The following GCSH variants were observed in gnomAD, a reference collection of about 807,000 sequenced individuals.
GCSH encodes the protein glycine cleavage system protein H, also known as glycine cleavage system H protein, mitochondrial.
Under a neutral mutation model 21.3 loss-of-function variants are expected in GCSH, and 15 were observed. The ratio of observed to expected loss-of-function variants is 0.70; its 90% CI spans 0.47 to 1.08. GCSH has a LOEUF of 1.08. GCSH is among the 50% of genes least tolerant of loss of function. The pLI is 0.00. For synonymous variants in GCSH, 59 were observed against 84.5 expected (o/e 0.70, Z 1.66); for missense variants, 179 against 217.5 (o/e 0.82, Z 1.11).
intron 2 of GCSH, among the ~76,000 whole-genome samples, chr16:81,088,292 C>T (rs1396777149): frequency 2.0e-5 from 3 of 151,290 alleles, no homozygotes; most frequent in Non-Finnish European, 2.9e-5. Context: ...TTTTAAAAAA[C>T]TATTCTCAAC....
At chr16:81,093,566 A>T (rs193087043) in intron 1 of GCSH, among the ~76,000 whole-genome samples, 152 of 152,082 alleles carry the variant, frequency 1.0e-3, no homozygotes, top group African/African-American at 3.6e-3. Flanking sequence ...CCTGGCCAAC[A>T]GCAGTGGCTC....
chr16:81,095,377 A>ATTTTTTTTTTT (rs78295348), intron 1 of GCSH, among the ~76,000 whole-genome samples: 31 of 146,416 alleles, frequency 2.1e-4, no homozygotes, highest in East Asian at 1.0e-3. Context: ...TGGCGCTTTA[A>ATTTTTTTTTTT]TTTTTTTTTT....
chr16:81,087,083 T>A (rs1972295817), intron 3 of GCSH, among the ~76,000 whole-genome samples: 1 of 152,124 alleles, frequency 6.6e-6, no homozygotes, highest in Non-Finnish European at 1.5e-5. Flanking sequence ...CTCTTTTTTT[T>A]AAAACGGAGT....
chr16:81,095,899 G>C (rs1972496075), intron 1 of GCSH, among the ~76,000 whole-genome samples: 1 of 152,270 alleles, frequency 6.6e-6, no homozygotes, highest in Non-Finnish European at 1.5e-5. Context: ...TCCCCTCCCG[G>C]CTGCATGCAA....
At chr16:81,088,873 C>G (rs1413250505) in intron 2 of GCSH, among the ~76,000 whole-genome samples, 1 of 152,190 alleles carries the variant, frequency 6.6e-6, no homozygotes, top group East Asian at 1.9e-4. Context: ...GAAGTGGTCT[C>G]TCCATCAGGT....
chr16:81,092,503 G>C (rs1972416155), intron 1 of GCSH, among the ~76,000 whole-genome samples: 1 of 152,096 alleles, frequency 6.6e-6, no homozygotes, highest in Admixed American at 6.6e-5. Flanking sequence ...CACTTTGGGA[G>C]GCCGAGGCGG....
At chr16:81,094,961 C>G (rs892454602) in intron 1 of GCSH, among the ~76,000 whole-genome samples, 6 of 151,964 alleles carry the variant, frequency 3.9e-5, no homozygotes, top group Non-Finnish European at 8.8e-5. Context: ...GAGGTGGTGA[C>G]GGGCGCCAGT....
chr16:81,090,104 T>C (rs992649701), intron 2 of GCSH, among the ~76,000 whole-genome samples: 1 of 152,050 alleles, frequency 6.6e-6, no homozygotes, highest in East Asian at 1.9e-4. Flanking sequence ...TTCTTTTTTT[T>C]TTTGGAGATG....
chr16:81,089,340 G>A (rs921757861), intron 2 of GCSH, among the ~76,000 whole-genome samples: 1 of 152,186 alleles, frequency 6.6e-6, no homozygotes, highest in African/African-American at 2.4e-5. Flanking sequence ...TAAGAGTCAC[G>A]TTGGTGCTCA....
At position 81,087,695 on chromosome 16, in the gene GCSH, C is replaced by G. The variant is rs373961828; in HGVS notation, c.229-31G>C. On this transcript the variant is annotated intron_variant, in intron 2 of 4. Coordinates refer to ENST00000315467, the MANE Select transcript of GCSH (RefSeq NM_004483.5). ...TAAAACAAGACAAAACCAAAAATCTCTAAGAAGTTATAACTAAACCCTCCA... is the reference window on the plus strand; with the variant it reads ...TAAAACAAGACAAAACCAAAAATCTGTAAGAAGTTATAACTAAACCCTCCA... 2.6e-6 allele frequency: 4 copies of G among 1,511,168 alleles called. No individual in the cohort carries two copies. The African/African-American group carries it at 5.5e-5, about 21-fold the overall frequency. The allele number at this position is 1,511,168 out of a possible 1,614,324, so 93.6% of individuals were successfully genotyped here. A position where few individuals can be genotyped will look rare whatever the true frequency, so the allele number is the denominator to read the frequency against.
chr16:81,083,383 T>C, intron 4 of GCSH: 2 of 218,872 alleles, frequency 9.1e-6, no homozygotes, highest in Non-Finnish European at 1.8e-5. Context: ...CTGGGCGTGG[T>C]GGCAGTTGCC....
chr16:81,096,345 G>A lies in GCSH; in HGVS notation c.-67C>T, dbSNP rs1381599199. The A allele has an allele frequency of 1.3e-5, 17 of 1,313,060 alleles. No homozygotes were observed. The highest frequency in any genetic ancestry group is 3.2e-5 in the East Asian group (1 of 31,082). 81.3% of individuals were successfully genotyped at this position (1,313,060 alleles called of 1,614,324 possible). A position where few individuals can be genotyped will look rare whatever the true frequency, so the allele number is the denominator to read the frequency against. Reference sequence around the variant, plus strand: ...CCCGCGCCGGGAGGCGGGGCGGGGAGGGGCAGTTCGCGGCCGGAGGGAGCC... The same window carrying A: ...CCCGCGCCGGGAGGCGGGGCGGGGAAGGGCAGTTCGCGGCCGGAGGGAGCC... On this transcript the variant is annotated 5_prime_UTR_variant, in exon 1 of 5. Transcript: ENST00000315467.
intron 2 of GCSH, among the ~76,000 whole-genome samples, chr16:81,089,296 C>G (rs8177891): frequency 0.034 from 5,121 of 152,280 alleles, 180 homozygotes; most frequent in African/African-American, 0.088. Flanking sequence ...ATCCAAGATT[C>G]TGGAATCCAA....
At chr16:81,085,377 A>G (rs1972252300) in intron 3 of GCSH, among the ~76,000 whole-genome samples, 1 of 152,208 alleles carries the variant, frequency 6.6e-6, no homozygotes, top group South Asian at 2.1e-4. Flanking sequence ...CGAGAAGGGT[A>G]TATATTGTCT....
intron 1 of GCSH, among the ~76,000 whole-genome samples, chr16:81,094,151 C>A (rs920849067): frequency 3.3e-5 from 5 of 152,110 alleles, no homozygotes; most frequent in African/African-American, 1.2e-4. Flanking sequence ...CCGCCCGCCT[C>A]AGCCTCCCAA....
intron 1 of GCSH, among the ~76,000 whole-genome samples, chr16:81,093,195 G>C (rs1377794674): frequency 1.3e-5 from 2 of 151,654 alleles, no homozygotes; most frequent in African/African-American, 4.8e-5. Context: ...GAGGAAAATA[G>C]ATAGTATATA....
chr16:81,091,855 A>AAG (rs150692841), intron 1 of GCSH, among the ~76,000 whole-genome samples: 4,653 of 152,144 alleles, frequency 0.031, 187 homozygotes, highest in African/African-American at 0.099. Flanking sequence ...TCCTGAGCTC[A>AAG]TGATCCTCCC....
chr16:81,089,376 T>A (rs8177889), intron 2 of GCSH, among the ~76,000 whole-genome samples: 1 of 152,204 alleles, frequency 6.6e-6, no homozygotes, highest in Non-Finnish European at 1.5e-5. Flanking sequence ...TTGGAGTATT[T>A]CAGGGATTAG....
chr16:81,087,924 G>C (rs1184830568), intron 2 of GCSH, among the ~76,000 whole-genome samples: 1 of 152,044 alleles, frequency 6.6e-6, no homozygotes, highest in South Asian at 2.1e-4. Flanking sequence ...TCAGAAGTTC[G>C]AGACCAGCCT....
Sources: allele counts gnomAD v4.1 joint callset (sites outside exome capture counted in the v4.1 genomes callset), GRCh38; gene constraint gnomAD v4.1.1; transcripts MANE v1.5; gene names NCBI Gene and HGNC (gene_info 2026-07-23, HGNC 2026-07-21).